The following TLL2 variants were observed in gnomAD, a reference collection of about 807,000 sequenced individuals.
TLL2 encodes tolloid like 2.
TLL2 carries 106 observed loss-of-function variants against 123.0 expected under a neutral mutation model. That is an observed-to-expected ratio of 0.86 (90% CI 0.74 to 1.01). TLL2 has a LOEUF of 1.01. Ranked by LOEUF, TLL2 falls within the 50% of genes least tolerant of loss-of-function variation. The pLI, the probability that TLL2 is intolerant of heterozygous loss-of-function variation, is 0.00. For missense variants in TLL2, 1,332 were observed against 1,336.7 expected, an observed-to-expected ratio of 1.00 and a Z score of 0.06; for synonymous variants, 494 against 516.8, an observed-to-expected ratio of 0.96 and a Z score of 0.60.
chr10:96,500,209 T>A (rs1025561847), intron 1 of TLL2, among the ~76,000 whole-genome samples: 1 of 147,248 alleles, frequency 6.8e-6, no homozygotes, highest in Admixed American at 6.8e-5. Context: ...TCCCAGCTAC[T>A]CAGTAGGCCA....
At chr10:96,387,501 A>G (rs1179776651) in intron 13 of TLL2, among the ~76,000 whole-genome samples, 1 of 152,254 alleles carries the variant, frequency 6.6e-6, no homozygotes, top group African/African-American at 2.4e-5. Context: ...GGTGAAGACA[A>G]AGAAAACATT....
chr10:96,429,694 G>A (rs976686800), intron 4 of TLL2, among the ~76,000 whole-genome samples: 1 of 152,148 alleles, frequency 6.6e-6, no homozygotes, highest in South Asian at 2.1e-4. Context: ...CCTGTAGGGG[G>A]GTGCTCCCAT....
chr10:96,500,614 C>T (rs926192714), intron 1 of TLL2, among the ~76,000 whole-genome samples: 6 of 152,098 alleles, frequency 3.9e-5, no homozygotes, highest in Non-Finnish European at 7.4e-5. Context: ...GGCAAAATGG[C>T]GAAACCCTGT....
intron 1 of TLL2, among the ~76,000 whole-genome samples, chr10:96,502,964 G>A (rs1156483888): frequency 2.6e-5 from 4 of 152,178 alleles, no homozygotes; most frequent in Admixed American, 2.0e-4. Flanking sequence ...TAGAGGTGGC[G>A]TGATCACAGA....
chr10:96,510,097 G>C (rs948044657), intron 1 of TLL2, among the ~76,000 whole-genome samples: 4 of 152,234 alleles, frequency 2.6e-5, no homozygotes, highest in African/African-American at 7.2e-5. Flanking sequence ...GCCACACGGT[G>C]AGTAAGGCGG....
intron 8 of TLL2, 57 bp downstream of exon 8, chr10:96,413,135 G>T (rs1388215414): frequency 6.2e-7 from 1 of 1,602,100 alleles, no homozygotes; most frequent in Non-Finnish European, 8.5e-7. Context: ...CCCAGCATAG[G>T]GACTGTGCTT....
At chr10:96,486,314 T>C (rs777613446) in intron 1 of TLL2, among the ~76,000 whole-genome samples, 1 of 152,242 alleles carries the variant, frequency 6.6e-6, no homozygotes, top group African/African-American at 2.4e-5. Context: ...TCCTGGGTTT[T>C]ATCCATATAG....
intron 10 of TLL2, among the ~76,000 whole-genome samples, chr10:96,401,664 T>C (rs1380054431): frequency 2.0e-5 from 3 of 151,460 alleles, no homozygotes; most frequent in Non-Finnish European, 4.4e-5. Flanking sequence ...TAGCCACAAA[T>C]ACCAGGATCT....
At chr10:96,471,049 G>C (rs1345447612) in intron 2 of TLL2, among the ~76,000 whole-genome samples, 1 of 152,098 alleles carries the variant, frequency 6.6e-6, no homozygotes, top group Non-Finnish European at 1.5e-5. Context: ...GCCCAGGCTG[G>C]AGTGCAAGTT....
intron 2 of TLL2, among the ~76,000 whole-genome samples, chr10:96,475,833 T>G (rs1316120352): frequency 6.6e-6 from 1 of 152,156 alleles, no homozygotes; most frequent in Non-Finnish European, 1.5e-5. Context: ...AGGGAGATGA[T>G]TGAATTATGG....
chr10:96,368,498 A>G (rs892559194), intron 20 of TLL2, among the ~76,000 whole-genome samples: 2 of 152,238 alleles, frequency 1.3e-5, no homozygotes, highest in Admixed American at 6.5e-5. Context: ...GTGCTGCACT[A>G]GGCAATTCCA....
At chr10:96,376,493 G>A (rs3762096) in intron 18 of TLL2, among the ~76,000 whole-genome samples, 199 bp downstream of exon 18, 49,454 of 152,198 alleles carry the variant, frequency 0.32, 8,975 homozygotes, top group East Asian at 0.64. Flanking sequence ...GCTTTTGTGC[G>A]TTGTCTCTTT....
At chr10:96,509,157 G>A (rs539316408) in intron 1 of TLL2, among the ~76,000 whole-genome samples, 1 of 152,302 alleles carries the variant, frequency 6.6e-6, no homozygotes, top group South Asian at 2.1e-4. Flanking sequence ...GAGCGAATGA[G>A]CCTTCAGATA....
Position 96,395,885 on chromosome 10 carries a change from T to C in TLL2, c.1520A>G (p.Gln507Arg), listed in dbSNP as rs1846334794. 1 of 1,614,180 alleles carries C rather than the reference T, an allele frequency of 6.2e-7. No individual in the cohort carries two copies. The highest frequency in any genetic ancestry group is 8.5e-7 in the Non-Finnish European group (1 of 1,180,036). The change falls in exon 12 of 21, where the codon CAA becomes CGA. Residue 507 changes from glutamine (Q) to arginine (R), a missense_variant. Transcript: ENST00000357947. The part of the protein sequence containing the change: ...SEGFHVGLTF[Q>R]AFEIERHDSC... The stretch of plus-strand genomic sequence containing the variant: ...CTGAGCAGCACTCACCTCAAAAGCT[T>C]GGAAGGTAAGTCCCACGTGAAACCC...
chr10:96,442,955 C>A (rs1181492923), intron 3 of TLL2, among the ~76,000 whole-genome samples: 1 of 152,184 alleles, frequency 6.6e-6, no homozygotes, highest in Admixed American at 6.5e-5. Context: ...CTAATTCCCT[C>A]TAAACCTCAT....
chr10:96,436,404 T>A (rs911437825), intron 3 of TLL2, among the ~76,000 whole-genome samples: 2 of 152,234 alleles, frequency 1.3e-5, no homozygotes, highest in African/African-American at 4.8e-5. Flanking sequence ...ATGGGTTTCA[T>A]ATGTTGTTCA....
rs143241537 is a variant in TLL2 at position 96,397,650 on chromosome 10, C to G, written c.1268-348G>C. Among the ~76,000 whole-genome samples the G allele has an allele frequency of 7.2e-4, 110 of 152,318 alleles. 1 individual carries two copies. The East Asian group carries it at 0.02, about 28-fold the overall frequency. On this transcript the variant is annotated intron_variant, in intron 10 of 20. Coordinates refer to ENST00000357947, the MANE Select transcript of TLL2 (RefSeq NM_012465.4). ...GAGAGAATAGAGCAGATTTCCTTTC[C>G]TGGTGTTTCCTGTTGCATGTATACC...
In TLL2 at chr10:96,378,974, G is replaced by A; in HGVS notation, c.2313C>T (p.Cys771=). The A allele has an allele frequency of 6.2e-7, 1 of 1,614,114 alleles. No individual in the cohort carries two copies. Among genetic ancestry groups the A allele is most frequent in the Non-Finnish European group, 8.5e-7 (1 of 1,179,966 alleles). The change falls in exon 17 of 21, where the codon TGC becomes TGT. Residue 771 remains cysteine, a synonymous_variant. Coordinates refer to ENST00000357947, the MANE Select transcript of TLL2 (RefSeq NM_012465.4). ...CTGGAGGTCCAGCCTCACCCTCTTT[G>A]CAGTCATGCCCATTCTCGTGGAGCC... is the stretch of plus-strand genomic sequence containing the variant. ...GYWLHENGHD[C]KEAGCAHKIS...
intron 20 of TLL2, among the ~76,000 whole-genome samples, chr10:96,368,809 C>A (rs1564891631): frequency 6.6e-6 from 1 of 152,214 alleles, no homozygotes. Flanking sequence ...GAGCCACGTT[C>A]CAAGGCTGTT....
Sources: gnomAD v4.1 joint callset for allele counts (sites outside exome capture counted in the v4.1 genomes callset) on GRCh38, gnomAD v4.1.1 for gene constraint, MANE v1.5 for transcripts, NCBI Gene and HGNC (gene_info 2026-07-23, HGNC 2026-07-21) for gene names.